PUDP: variants seen among roughly 807,000 people sequenced by gnomAD.
The protein encoded by PUDP is pseudouridine-5'-phosphatase.
Under a neutral mutation model 9.4 loss-of-function variants are expected in PUDP, and 8 were observed. The ratio of observed to expected loss-of-function variants is 0.85; its 90% CI spans 0.50 to 1.53. The LOEUF is 1.53. Ranked by LOEUF, PUDP falls within the 40% of genes most tolerant of loss-of-function variation. The probability of loss-of-function intolerance (pLI) is 0.00; values close to 1 mark genes in which losing one functional copy is unlikely to be tolerated. For missense variants in PUDP, 188 were observed against 189.7 expected, an observed-to-expected ratio of 0.99 and a Z score of 0.05; for synonymous variants, 99 against 80.7, an observed-to-expected ratio of 1.23 and a Z score of -1.22.
chrX:6,933,924 T>C (rs1222508070), intron 3 of PUDP, among the ~76,000 whole-genome samples: 2 of 107,351 alleles, frequency 1.9e-5, no homozygotes, highest in African/African-American at 6.8e-5. Context: ...AGAAGGGAAG[T>C]TTAGAGAAAA....
chrX:7,002,243 G>A (rs1195448254), intron 1 of PUDP, among the ~76,000 whole-genome samples: 1 of 111,950 alleles, frequency 8.9e-6, no homozygotes, highest in Non-Finnish European at 1.9e-5. Flanking sequence ...CATAGATATT[G>A]TTTTATACTC....
chrX:6,842,941 T>G (rs1014450532), intron 3 of PUDP, among the ~76,000 whole-genome samples: 2 of 112,336 alleles, frequency 1.8e-5, no homozygotes, highest in African/African-American at 6.5e-5. Context: ...TCCTCTGCTT[T>G]TATTCCCGTG....
chrX:6,717,629 A>C (rs1924615543), intron 1 of PUDP, among the ~76,000 whole-genome samples: 1 of 111,904 alleles, frequency 8.9e-6, no homozygotes, highest in Admixed American at 9.5e-5. Flanking sequence ...TTTCTGGCCA[A>C]CAGAACATGG....
At chrX:7,138,746 T>G (rs1602840048) in intron 1 of PUDP, among the ~76,000 whole-genome samples, 2 of 111,762 alleles carry the variant, frequency 1.8e-5, no homozygotes, top group Non-Finnish European at 3.8e-5. Flanking sequence ...AAAAGAGATG[T>G]GAAGAGGAGC....
At chrX:7,023,989 T>C (rs1929669835) in intron 1 of PUDP, among the ~76,000 whole-genome samples, 1 of 112,188 alleles carries the variant, frequency 8.9e-6, no homozygotes, top group Non-Finnish European at 1.9e-5. Context: ...GAAAATAGTA[T>C]TGATTCTTCA....
intron 3 of PUDP, among the ~76,000 whole-genome samples, chrX:6,803,117 TAAAAC>T (rs1278228589): frequency 5.0e-5 from 5 of 100,743 alleles, no homozygotes; most frequent in African/African-American, 1.8e-4. Context: ...TAAAATAAAA[TAAAAC>T]AAAATAAAAT....
intron 3 of PUDP, among the ~76,000 whole-genome samples, chrX:6,849,596 T>C (rs747788252): frequency 7.2e-5 from 8 of 111,359 alleles, no homozygotes; most frequent in Non-Finnish European, 1.3e-4. Flanking sequence ...AAGAGTAAAA[T>C]GTTATACATA....
At chrX:6,855,465 A>G (rs2146724836) in intron 3 of PUDP, among the ~76,000 whole-genome samples, 1 of 111,484 alleles carries the variant, frequency 9.0e-6, no homozygotes, top group South Asian at 3.8e-4. Context: ...CGATGCCCTC[A>G]TAGAGCTGGT....
At chrX:7,070,752 A>G (rs917486019) in intron 3 of PUDP, among the ~76,000 whole-genome samples, 1 of 110,868 alleles carries the variant, frequency 9.0e-6, no homozygotes, top group African/African-American at 3.3e-5. Context: ...TGATTTTTGT[A>G]TTTTTAGTAG....
intron 1 of PUDP, among the ~76,000 whole-genome samples, chrX:7,138,812 T>A (rs1463013004): frequency 8.9e-6 from 1 of 112,365 alleles, no homozygotes; most frequent in African/African-American, 3.2e-5. Context: ...TTCCTTCTTG[T>A]GTTCTTACAC....
At chrX:7,027,027 C>A (rs1602719874) in intron 1 of PUDP, among the ~76,000 whole-genome samples, 2 of 111,523 alleles carry the variant, frequency 1.8e-5, no homozygotes, top group South Asian at 7.6e-4. Flanking sequence ...CAATGCTCAC[C>A]AGCTGGAGTT....
intron 3 of PUDP, among the ~76,000 whole-genome samples, chrX:6,797,684 T>A (rs1209495347): frequency 1.8e-5 from 2 of 112,034 alleles, no homozygotes; most frequent in African/African-American, 3.2e-5. Context: ...CAGCTCCAGA[T>A]GACATCTTCA....
chrX:6,931,058 C>A (rs1412094388), intron 3 of PUDP, among the ~76,000 whole-genome samples: 5 of 111,479 alleles, frequency 4.5e-5, no homozygotes, highest in African/African-American at 1.6e-4. Context: ...TGCAGTTATC[C>A]TGTGACCTGA....
intron 3 of PUDP, among the ~76,000 whole-genome samples, chrX:6,737,532 T>G (rs1029631664): frequency 4.6e-5 from 5 of 107,965 alleles, no homozygotes; most frequent in African/African-American, 1.7e-4. Context: ...GAGCAGCAGG[T>G]ATTAGGACCC....
chrX:6,893,629 T>C (rs1196479265), intron 3 of PUDP, among the ~76,000 whole-genome samples: 2 of 111,996 alleles, frequency 1.8e-5, no homozygotes, highest in African/African-American at 6.5e-5. Context: ...TTCCCTAGGA[T>C]GAAAATTCCT....
In PUDP at chrX:6,865,398, T is replaced by G. The variant is rs938564395; in HGVS notation, c.*247+111735A>C. 2.7e-5 allele frequency among the ~76,000 whole-genome samples: 3 copies of G among 112,317 alleles called. No individual in the cohort carries two copies. In the East Asian group the frequency reaches 8.3e-4, roughly 31 times the overall value. On this transcript the variant is annotated intron_variant and NMD_transcript_variant, in intron 3 of 3. Transcript: ENST00000655425. ...TCTCTCTCATTCAGAGACTTGCAAC[T>G]GTTGCATCAGAGCACAGAAAGATTT... is the stretch of plus-strand genomic sequence containing the variant.
chrX:6,990,734 G>C (rs150534873), intron 1 of PUDP, among the ~76,000 whole-genome samples: 1,224 of 112,103 alleles, frequency 0.011, 11 homozygotes, highest in Non-Finnish European at 0.013. Flanking sequence ...GCATGGGCCG[G>C]GAACTGCAGA....
intron 3 of PUDP, among the ~76,000 whole-genome samples, chrX:6,950,992 T>G (rs1448926221): frequency 9.1e-6 from 1 of 109,690 alleles, no homozygotes; most frequent in East Asian, 2.9e-4. Flanking sequence ...ACTGAAACAC[T>G]GGCTCTTCCT....
chrX:6,829,348 T>C (rs1361921196), intron 3 of PUDP, among the ~76,000 whole-genome samples: 4 of 112,196 alleles, frequency 3.6e-5, no homozygotes, highest in Middle Eastern at 4.6e-3. Flanking sequence ...TTTGTGTGGA[T>C]ATAAATTTCA....
Sources: allele counts gnomAD v4.1 joint callset (sites outside exome capture counted in the v4.1 genomes callset), GRCh38; gene constraint gnomAD v4.1.1; transcripts MANE v1.5; gene names NCBI Gene and HGNC (gene_info 2026-07-23, HGNC 2026-07-21).